The following PAPSS1 variants were observed in gnomAD, a reference collection of about 807,000 sequenced individuals.
PAPSS1 encodes 3'-phosphoadenosine 5'-phosphosulfate synthase 1, also known as bifunctional 3'-phosphoadenosine 5'-phosphosulfate synthase 1.
In PAPSS1, 50 loss-of-function variants were observed where a neutral mutation model predicts 72.0. That is an observed-to-expected ratio of 0.69 (90% CI 0.55 to 0.88). PAPSS1 has a LOEUF of 0.88. Among genes scored for constraint, PAPSS1 ranks in the 40% least tolerant of loss-of-function variants. The pLI is 0.00. For synonymous variants in PAPSS1, 261 were observed against 263.6 expected (o/e 0.99, Z 0.09); for missense variants, 657 against 782.2 (o/e 0.84, Z 1.91).
chr4:107,655,284 G>A (rs1260249702), intron 7 of PAPSS1, among the ~76,000 whole-genome samples: 3 of 152,058 alleles, frequency 2.0e-5, no homozygotes, highest in Non-Finnish European at 2.9e-5. Flanking sequence ...AAAGAACTAC[G>A]TTTCTGGGCC....
intron 5 of PAPSS1, among the ~76,000 whole-genome samples, chr4:107,672,405 C>T (rs1727509169): frequency 6.6e-6 from 1 of 152,236 alleles, no homozygotes; most frequent in South Asian, 2.1e-4. Flanking sequence ...GCAAACAGCA[C>T]ACCAGGAGAA....
At chr4:107,682,215 T>C (rs543276755) in intron 4 of PAPSS1, 82 bp from the exon 5 acceptor site, 6 of 688,212 alleles carry the variant, frequency 8.7e-6, no homozygotes, top group Middle Eastern at 3.3e-4. Context: ...CTCTGCTACA[T>C]TGAAGTTAGT....
intron 6 of PAPSS1, 151 bp downstream of exon 6, chr4:107,659,808 C>A: frequency 3.5e-6 from 2 of 575,556 alleles, no homozygotes; most frequent in South Asian, 2.2e-5. Flanking sequence ...AACACATTCC[C>A]CATCCTTAGA....
Position 107,710,903 on chromosome 4 carries a change from T to C in PAPSS1, c.60+9217A>G, listed in dbSNP as rs549091611. Among the ~76,000 whole-genome samples, 13 of 152,374 alleles carry C rather than the reference T, an allele frequency of 8.5e-5. No homozygotes were observed. In the South Asian group the frequency reaches 2.3e-3, roughly 27 times the overall value. ...ACAATAGTGGCTTACAGCCAAATGA[T>C]GAACCTTCTCATGTTATGGCTACAT... On this transcript the variant is annotated intron_variant, in intron 1 of 11. Coordinates refer to ENST00000265174, the MANE Select transcript of PAPSS1 (RefSeq NM_005443.5).
At chr4:107,704,823 C>A (rs1231675644) in intron 1 of PAPSS1, among the ~76,000 whole-genome samples, 1 of 152,026 alleles carries the variant, frequency 6.6e-6, no homozygotes, top group Non-Finnish European at 1.5e-5. Context: ...TGGTGGCATG[C>A]ACCTGTAGTC....
At chr4:107,673,214 T>C (rs1727542742) in intron 5 of PAPSS1, among the ~76,000 whole-genome samples, 1 of 152,156 alleles carries the variant, frequency 6.6e-6, no homozygotes, top group Non-Finnish European at 1.5e-5. Context: ...GGACGGAGAA[T>C]GACTTTGACG....
intron 11 of PAPSS1, among the ~76,000 whole-genome samples, chr4:107,627,777 T>C (rs1416617307): frequency 1.3e-5 from 2 of 152,182 alleles, no homozygotes; most frequent in African/African-American, 2.4e-5. Flanking sequence ...AAAAGGTCCA[T>C]TGGTAGAAAA....
chr4:107,716,183 T>A (rs1190465204), intron 1 of PAPSS1, among the ~76,000 whole-genome samples: 1 of 152,170 alleles, frequency 6.6e-6, no homozygotes, highest in Admixed American at 6.5e-5. Flanking sequence ...ACAAGATACA[T>A]AATAGCAGAG....
chr4:107,663,831 T>A (rs1210808444), intron 5 of PAPSS1, among the ~76,000 whole-genome samples: 1 of 152,230 alleles, frequency 6.6e-6, no homozygotes, highest in African/African-American at 2.4e-5. Flanking sequence ...TTAGACTATA[T>A]CTTCCAAGGT....
chr4:107,715,599 T>C (rs139200410), intron 1 of PAPSS1, among the ~76,000 whole-genome samples: 39 of 152,362 alleles, frequency 2.6e-4, no homozygotes, highest in African/African-American at 8.7e-4. Context: ...TTGGGAAAGA[T>C]AGAATTGGTA....
chr4:107,653,666 C>T (rs1726919659), intron 8 of PAPSS1, 40 bp from the exon 9 acceptor site: 5 of 1,572,940 alleles, frequency 3.2e-6, no homozygotes, highest in South Asian at 2.3e-5. Flanking sequence ...AAACCGAGAT[C>T]AAAATAAGTA....
At chr4:107,665,408 G>T (rs1164587799) in intron 5 of PAPSS1, among the ~76,000 whole-genome samples, 1 of 152,176 alleles carries the variant, frequency 6.6e-6, no homozygotes, top group Non-Finnish European at 1.5e-5. Flanking sequence ...GATTCATTAG[G>T]ATTTCCACAG....
At chr4:107,616,093 AGAGAGAGT>A (rs1725815319) in intron 11 of PAPSS1, among the ~76,000 whole-genome samples, 1 of 151,606 alleles carries the variant, frequency 6.6e-6, no homozygotes, top group Admixed American at 6.7e-5. Context: ...AGAGAGAGAG[AGAGAGAGT>A]GTGTGTGCAC....
At chr4:107,719,173 G>A (rs1216615441) in intron 1 of PAPSS1, among the ~76,000 whole-genome samples, 1 of 134,396 alleles carries the variant, frequency 7.4e-6, no homozygotes, top group African/African-American at 2.6e-5. Flanking sequence ...AAGAACATTT[G>A]CCTGAAATTG....
intron 5 of PAPSS1, among the ~76,000 whole-genome samples, chr4:107,671,460 C>T (rs1002148315): frequency 1.3e-5 from 2 of 151,772 alleles, no homozygotes; most frequent in Non-Finnish European, 2.9e-5. Context: ...CTTAATAATC[C>T]CATATACATG....
At chr4:107,697,420 G>C (rs552014827) in intron 2 of PAPSS1, among the ~76,000 whole-genome samples, 1 of 152,254 alleles carries the variant, frequency 6.6e-6, no homozygotes, top group South Asian at 2.1e-4. Flanking sequence ...AAGGTTGTTC[G>C]TTATTTCTTT....
chr4:107,616,995 C>G (rs1351147410), intron 11 of PAPSS1, among the ~76,000 whole-genome samples: 1 of 152,116 alleles, frequency 6.6e-6, no homozygotes, highest in Non-Finnish European at 1.5e-5. Context: ...CACTAGTCAG[C>G]TTTCCACCAT....
chr4:107,709,216 C>T (rs1723425334), intron 1 of PAPSS1, among the ~76,000 whole-genome samples: 1 of 152,136 alleles, frequency 6.6e-6, no homozygotes, highest in Non-Finnish European at 1.5e-5. Flanking sequence ...CCACATTGTC[C>T]TAACTCCCAA....
intron 5 of PAPSS1, among the ~76,000 whole-genome samples, chr4:107,673,188 G>A (rs1344214652): frequency 6.6e-6 from 1 of 152,202 alleles, no homozygotes; most frequent in Admixed American, 6.5e-5. Context: ...CTCCTCAACA[G>A]CAGTGGAACA....
Sources: allele counts gnomAD v4.1 joint callset (sites outside exome capture counted in the v4.1 genomes callset), GRCh38; gene constraint gnomAD v4.1.1; transcripts MANE v1.5; gene names NCBI Gene and HGNC (gene_info 2026-07-23, HGNC 2026-07-21).